The following BCL2 variants were observed in gnomAD, a reference collection of about 807,000 sequenced individuals.
BCL2 encodes the protein apoptosis regulator Bcl-2.
In BCL2, 1 loss-of-function variant was observed where a neutral mutation model predicts 14.2. The ratio of observed to expected loss-of-function variants is 0.07; its 90% CI spans 0.02 to 0.33. The LOEUF is 0.33. BCL2 is among the 10% of genes least tolerant of loss of function. The pLI is 0.99. For synonymous variants in BCL2, 151 were observed against 137.2 expected (o/e 1.10, Z -0.70); for missense variants, 247 against 305.9 (o/e 0.81, Z 1.44).
At chr18:63,304,366 G>A (rs774685771) in intron 2 of BCL2, among the ~76,000 whole-genome samples, 5 of 151,954 alleles carry the variant, frequency 3.3e-5, no homozygotes, top group Non-Finnish European at 2.9e-5. Flanking sequence ...TTACTACTGC[G>A]GAAACCCTAC....
intron 2 of BCL2, among the ~76,000 whole-genome samples, chr18:63,227,274 C>CTT (rs1377164577): frequency 6.6e-6 from 1 of 152,226 alleles, no homozygotes; most frequent in Non-Finnish European, 1.5e-5. Flanking sequence ...GACTGAGATG[C>CTT]TTTAATATTC....
At chr18:63,217,315 T>A (rs77612450) in intron 2 of BCL2, among the ~76,000 whole-genome samples, 5,661 of 152,266 alleles carry the variant, frequency 0.037, 136 homozygotes, top group Middle Eastern at 0.082. Flanking sequence ...GTACTTCCAA[T>A]AAAATAATTT....
chr18:63,283,336 G>A lies in BCL2; in HGVS notation c.585+34746C>T, dbSNP rs191046396. 4.3e-4 allele frequency among the ~76,000 whole-genome samples: 66 copies of A among 152,206 alleles called. No individual in the cohort carries two copies. In the East Asian group the frequency reaches 0.012, roughly 27 times the overall value. On this transcript the variant is annotated intron_variant, in intron 2 of 2. Coordinates refer to ENST00000333681, the MANE Select transcript of BCL2 (RefSeq NM_000633.3). The stretch of plus-strand genomic sequence containing the variant: ...GTTGCTAGCTCTCAAATGGATTCAC[G>A]TTCTGATTTCAGTAAAATTCAACCA...
intron 2 of BCL2, among the ~76,000 whole-genome samples, chr18:63,190,998 C>T (rs1000901821): frequency 3.9e-5 from 6 of 152,134 alleles, no homozygotes; most frequent in Admixed American, 6.6e-5. Context: ...TGATGGCTTC[C>T]AGCTTCATCT....
chr18:63,172,513 G>A (rs540830048), intron 2 of BCL2, among the ~76,000 whole-genome samples: 1 of 152,258 alleles, frequency 6.6e-6, no homozygotes, highest in Non-Finnish European at 1.5e-5. Flanking sequence ...CGGGCGTGGT[G>A]GTTCACGCCT....
At chr18:63,170,720 T>C (rs1915202893) in intron 2 of BCL2, among the ~76,000 whole-genome samples, 1 of 152,258 alleles carries the variant, frequency 6.6e-6, no homozygotes, top group Admixed American at 6.5e-5. Flanking sequence ...ATCTGCACTC[T>C]TTAAAACTTT....
intron 2 of BCL2, among the ~76,000 whole-genome samples, chr18:63,156,354 G>C (rs976575234): frequency 6.6e-6 from 1 of 152,164 alleles, no homozygotes; most frequent in Non-Finnish European, 1.5e-5. Flanking sequence ...TCTTTGTTGT[G>C]GGGAGGACGG....
intron 2 of BCL2, chr18:63,161,775 C>T (rs1336835155): frequency 5.9e-5 from 9 of 152,154 alleles, no homozygotes; most frequent in African/African-American, 1.7e-4. Flanking sequence ...TCCCACCTGA[C>T]GCACTACACA....
chr18:63,198,726 C>CACACAGTG (rs1909552484), intron 2 of BCL2, among the ~76,000 whole-genome samples: 1 of 132,310 alleles, frequency 7.6e-6, no homozygotes, highest in African/African-American at 3.0e-5. Context: ...CACACACAGA[C>CACACAGTG]ACACACAGAC....
At position 63,140,507 on chromosome 18, in the gene BCL2, A is replaced by G. The variant is rs1181067333; in HGVS notation, c.586-11748T>C. ...ATTGACACATGCAACAACATGGATG[A>G]CCCTCAAAAACATGAGGCCAAGTGA... On this transcript the variant is annotated intron_variant, in intron 2 of 2. Transcript: ENST00000333681. Among the ~76,000 whole-genome samples the G allele has an allele frequency of 2.0e-5, 3 of 152,374 alleles. No individual in the cohort carries two copies. In the East Asian group the frequency reaches 5.8e-4, roughly 29 times the overall value.
At chr18:63,229,981 T>C (rs947531145) in intron 2 of BCL2, among the ~76,000 whole-genome samples, 13 of 152,150 alleles carry the variant, frequency 8.5e-5, no homozygotes, top group Admixed American at 7.2e-4. Context: ...AGCTCAAGTT[T>C]TTTTTTTAAA....
At position 63,152,149 on chromosome 18, in the gene BCL2, A is replaced by G. The variant is rs137970050; in HGVS notation, c.586-23390T>C. 2.5e-3 allele frequency among the ~76,000 whole-genome samples: 386 copies of G among 152,352 alleles called. 1 individual carries two copies. The highest frequency in any genetic ancestry group is 4.4e-3 in the Admixed American group (68 of 15,310). Reference sequence around the variant, plus strand: ...CACCTTCTTGTTCTCACTGCTTTGTATGACTTCCAAGAGACTCACTAACAA... The same window carrying G: ...CACCTTCTTGTTCTCACTGCTTTGTGTGACTTCCAAGAGACTCACTAACAA... On this transcript the variant is annotated intron_variant, in intron 2 of 2. Transcript: ENST00000333681.
intron 2 of BCL2, among the ~76,000 whole-genome samples, chr18:63,292,502 C>G (rs1253399854): frequency 6.6e-6 from 1 of 152,192 alleles, no homozygotes; most frequent in African/African-American, 2.4e-5. Flanking sequence ...CGCACTCACA[C>G]GTACCATGCT....
chr18:63,218,794 T>TC (rs1290330018), intron 2 of BCL2, among the ~76,000 whole-genome samples: 3 of 52,004 alleles, frequency 5.8e-5, no homozygotes, highest in Non-Finnish European at 1.2e-4. Flanking sequence ...CTCATCCCCA[T>TC]CTACTCATCC....
At chr18:63,178,324 A>G (rs1486326464) in intron 2 of BCL2, among the ~76,000 whole-genome samples, 2 of 152,160 alleles carry the variant, frequency 1.3e-5, no homozygotes, top group Non-Finnish European at 2.9e-5. Flanking sequence ...AGAAATGAAA[A>G]TGGCCCTAAA....
At chr18:63,270,840 G>A (rs1423238373) in intron 2 of BCL2, among the ~76,000 whole-genome samples, 1 of 148,962 alleles carries the variant, frequency 6.7e-6, no homozygotes, top group East Asian at 1.9e-4. Context: ...TTTTTTTTGA[G>A]ACAGTCTGGC....
intron 2 of BCL2, among the ~76,000 whole-genome samples, chr18:63,194,496 A>C (rs1234892597): frequency 6.6e-6 from 1 of 151,968 alleles, no homozygotes; most frequent in Non-Finnish European, 1.5e-5. Flanking sequence ...TACCACGCCC[A>C]GCTAATTTTT....
At chr18:63,251,810 T>C (rs1304665972) in intron 2 of BCL2, among the ~76,000 whole-genome samples, 5 of 151,318 alleles carry the variant, frequency 3.3e-5, no homozygotes, top group Non-Finnish European at 5.9e-5. Context: ...GCGATTCTCC[T>C]GCCTCAGCCT....
intron 2 of BCL2, among the ~76,000 whole-genome samples, chr18:63,300,847 C>T (rs907580378): frequency 1.3e-5 from 2 of 152,162 alleles, no homozygotes; most frequent in Admixed American, 6.5e-5. Flanking sequence ...TGTCTTCTTC[C>T]TTGCTGTCAG....
Sources: gnomAD v4.1 joint callset for allele counts (sites outside exome capture counted in the v4.1 genomes callset) on GRCh38, gnomAD v4.1.1 for gene constraint, MANE v1.5 for transcripts, NCBI Gene and HGNC (gene_info 2026-07-23, HGNC 2026-07-21) for gene names.